GMDS: variants seen among roughly 807,000 people sequenced by gnomAD.
The protein encoded by GMDS is GDP-mannose 4,6-dehydratase.
In GMDS, 20 loss-of-function variants were observed where a neutral mutation model predicts 49.9. The observed-to-expected ratio is 0.40, with a 90% confidence interval of 0.28 to 0.58. The LOEUF (loss-of-function observed/expected upper bound fraction) is 0.58. Among genes scored for constraint, GMDS ranks in the 20% least tolerant of loss-of-function variants. GMDS has a pLI of 0.42. For missense variants in GMDS, 362 were observed against 481.4 expected, an observed-to-expected ratio of 0.75 and a Z score of 2.32; for synonymous variants, 177 against 178.6, an observed-to-expected ratio of 0.99 and a Z score of 0.07.
chr6:1,696,754 C>T (rs1028935826), intron 9 of GMDS, among the ~76,000 whole-genome samples: 2 of 152,220 alleles, frequency 1.3e-5, no homozygotes, highest in Non-Finnish European at 2.9e-5. Flanking sequence ...CTGATCCAAG[C>T]TAGGTCCACT....
At chr6:1,842,614 C>G (rs957366630) in intron 7 of GMDS, among the ~76,000 whole-genome samples, 1 of 152,162 alleles carries the variant, frequency 6.6e-6, no homozygotes, top group African/African-American at 2.4e-5. Context: ...CTGTATTAGC[C>G]AACTGCAAAT....
chr6:2,038,440 A>G (rs1254380119), intron 4 of GMDS, among the ~76,000 whole-genome samples: 1 of 152,148 alleles, frequency 6.6e-6, no homozygotes, highest in Non-Finnish European at 1.5e-5. Context: ...CACACTGTCG[A>G]CTTTAGCCTT....
chr6:1,940,623 T>C (rs969457151), intron 6 of GMDS, among the ~76,000 whole-genome samples: 1 of 152,196 alleles, frequency 6.6e-6, no homozygotes, highest in African/African-American at 2.4e-5. Context: ...GTACTCAAAA[T>C]CCAATAGGCA....
chr6:2,224,375 C>A (rs1272800279), intron 1 of GMDS, among the ~76,000 whole-genome samples: 4 of 152,184 alleles, frequency 2.6e-5, no homozygotes, highest in Non-Finnish European at 5.9e-5. Flanking sequence ...AGAACACTGA[C>A]CACAGGGCCA....
At chr6:1,877,511 C>A (rs1165047278) in intron 7 of GMDS, among the ~76,000 whole-genome samples, 1 of 151,566 alleles carries the variant, frequency 6.6e-6, no homozygotes, top group Non-Finnish European at 1.5e-5. Flanking sequence ...GACGGTGTGT[C>A]CCTTTAGTCC....
At chr6:1,994,869 G>A (rs78842656) in intron 4 of GMDS, among the ~76,000 whole-genome samples, 2,784 of 152,126 alleles carry the variant, frequency 0.018, 102 homozygotes, top group African/African-American at 0.063. Context: ...AAAGTCATAT[G>A]GAAATCACTA....
intron 4 of GMDS, among the ~76,000 whole-genome samples, chr6:2,067,563 TA>T (rs1360706428): frequency 6.6e-6 from 1 of 151,400 alleles, no homozygotes. Context: ...ATAGACACAA[TA>T]AAAAATGATA....
intron 1 of GMDS, among the ~76,000 whole-genome samples, chr6:2,151,853 G>T (rs1415806714): frequency 6.6e-6 from 1 of 151,968 alleles, no homozygotes; most frequent in Non-Finnish European, 1.5e-5. Flanking sequence ...TAAGAAATGG[G>T]TATATGATTT....
At chr6:1,939,296 A>C (rs935237076) in intron 6 of GMDS, among the ~76,000 whole-genome samples, 2 of 151,894 alleles carry the variant, frequency 1.3e-5, no homozygotes, top group Non-Finnish European at 2.9e-5. Flanking sequence ...AATTTGCTGG[A>C]GACCAGAGGA....
intron 4 of GMDS, among the ~76,000 whole-genome samples, chr6:2,030,059 TGGA>T (rs1026132121): frequency 1.3e-5 from 2 of 151,998 alleles, no homozygotes; most frequent in Middle Eastern, 3.2e-3. Flanking sequence ...GGGGGCAGGT[TGGA>T]GGAGGAGGGA....
intron 4 of GMDS, among the ~76,000 whole-genome samples, chr6:2,058,465 A>C (rs1770909331): frequency 6.6e-6 from 1 of 152,212 alleles, no homozygotes; most frequent in Admixed American, 6.5e-5. Flanking sequence ...AAAATGAGTA[A>C]AAAGAGACTA....
At chr6:2,141,875 T>G (rs1776311562) in intron 1 of GMDS, among the ~76,000 whole-genome samples, 2 of 150,956 alleles carry the variant, frequency 1.3e-5, no homozygotes, top group Admixed American at 1.3e-4. Context: ...GCTCTCTCTC[T>G]CTCTCTCTCT....
intron 4 of GMDS, among the ~76,000 whole-genome samples, chr6:2,025,476 T>C (rs912393601): frequency 1.3e-5 from 2 of 150,902 alleles, no homozygotes; most frequent in Admixed American, 1.3e-4. Context: ...AAAATAAATA[T>C]TTAGAACCAA....
intron 9 of GMDS, among the ~76,000 whole-genome samples, chr6:1,641,976 G>A (rs1052943445): frequency 3.3e-5 from 5 of 151,980 alleles, no homozygotes; most frequent in African/African-American, 4.8e-5. Context: ...GAAGGCCCTC[G>A]TTTCACCTGC....
intron 7 of GMDS, among the ~76,000 whole-genome samples, chr6:1,803,420 C>T (rs1229646174): frequency 8.6e-5 from 13 of 151,786 alleles, no homozygotes; most frequent in Non-Finnish European, 1.6e-4. Flanking sequence ...TCTCCTTACT[C>T]ATAGTGTAGT....
At chr6:2,227,090 CCT>C (rs929262483) in intron 1 of GMDS, among the ~76,000 whole-genome samples, 1 of 151,936 alleles carries the variant, frequency 6.6e-6, no homozygotes, top group Non-Finnish European at 1.5e-5. Context: ...TTTTTTTCCC[CCT>C]GAAACTTTAT....
intron 7 of GMDS, among the ~76,000 whole-genome samples, chr6:1,853,966 C>A (rs1757830531): frequency 6.6e-6 from 1 of 152,106 alleles, no homozygotes; most frequent in South Asian, 2.1e-4. Flanking sequence ...ACAATGCTGC[C>A]ACTGTTTTCA....
At chr6:1,850,146 C>T (rs79774578) in intron 7 of GMDS, among the ~76,000 whole-genome samples, 4,283 of 152,254 alleles carry the variant, frequency 0.028, 198 homozygotes, top group African/African-American at 0.097. Flanking sequence ...CAAATAAAGG[C>T]ATAAACTGCA....
At chr6:1,795,038 A>G (rs1769685107) in intron 7 of GMDS, among the ~76,000 whole-genome samples, 1 of 152,042 alleles carries the variant, frequency 6.6e-6, no homozygotes, top group Non-Finnish European at 1.5e-5. Context: ...AAACAAAAAC[A>G]AAAACACAAA....
Sources: allele counts gnomAD v4.1 joint callset (sites outside exome capture counted in the v4.1 genomes callset), GRCh38; gene constraint gnomAD v4.1.1; transcripts MANE v1.5; gene names NCBI Gene and HGNC (gene_info 2026-07-23, HGNC 2026-07-21).